Variants in PCDH15 observed in about 807,000 individuals in gnomAD.
PCDH15 encodes the protein protocadherin related 15.
In PCDH15, 129 loss-of-function variants were observed where a neutral mutation model predicts 178.5. The observed-to-expected ratio is 0.72, with a 90% CI of 0.63 to 0.84. The LOEUF (loss-of-function observed/expected upper bound fraction) is 0.84, where lower values mean the gene tolerates loss of function less well. Ranked by LOEUF, PCDH15 falls within the 40% of genes least tolerant of loss-of-function variation. The probability of loss-of-function intolerance (pLI) is 0.00; values close to 1 mark genes in which losing one functional copy is unlikely to be tolerated. For missense variants in PCDH15, 2,230 were observed against 2,099.9 expected, an observed-to-expected ratio of 1.06 and a Z score of -1.21; for synonymous variants, 800 against 732.0, an observed-to-expected ratio of 1.09 and a Z score of -1.50.
At chr10:55,535,892 C>G (rs1452121149) in intron 2 of PCDH15, among the ~76,000 whole-genome samples, 3 of 151,968 alleles carry the variant, frequency 2.0e-5, no homozygotes, top group African/African-American at 7.2e-5. Context: ...ATTCATCAGA[C>G]CATACCTTAT....
At chr10:55,591,339 G>T (rs77053092) in intron 2 of PCDH15, among the ~76,000 whole-genome samples, 1 of 152,082 alleles carries the variant, frequency 6.6e-6, no homozygotes, top group Non-Finnish European at 1.5e-5. Flanking sequence ...GGAGGCTGAG[G>T]TAGGAGGCTT....
At position 54,741,472 on chromosome 10, in the gene PCDH15, C is replaced by G. The variant is rs531922892; in HGVS notation, c.-29+59453G>C. Among the ~76,000 whole-genome samples, 72 of 151,606 alleles carry G rather than the reference C, an allele frequency of 4.7e-4. 1 individual carries two copies. The highest frequency in any genetic ancestry group is 1.7e-3 in the African/African-American group (71 of 41,382). ...ATTAGTGAAGCATAATCACTGATGG[C>G]AGAAAAAAAATGAAGAATGGGGTGG... is the stretch of plus-strand genomic sequence containing the variant. On this transcript the variant is annotated intron_variant, in intron 1 of 37. Transcript: ENST00000644397.
intron 3 of PCDH15, among the ~76,000 whole-genome samples, chr10:54,436,145 GA>G (rs892773052): frequency 4.7e-5 from 7 of 148,882 alleles, no homozygotes; most frequent in Non-Finnish European, 9.0e-5. Flanking sequence ...AAGAAAGAAA[GA>G]AAGGAAGGAA....
chr10:54,041,935 C>A (rs1031298189), intron 18 of PCDH15, among the ~76,000 whole-genome samples: 49 of 151,986 alleles, frequency 3.2e-4, no homozygotes, highest in African/African-American at 1.2e-3. Context: ...AGATACAGTA[C>A]CTCTTGATGT....
At chr10:54,772,240 TAAGC>T (rs927434124) in intron 1 of PCDH15, among the ~76,000 whole-genome samples, 2 of 152,216 alleles carry the variant, frequency 1.3e-5, no homozygotes, top group African/African-American at 2.4e-5. Context: ...TTCCAAAACT[TAAGC>T]AAGTTAATTT....
chr10:55,059,730 G>A (rs748327955), intron 2 of PCDH15, among the ~76,000 whole-genome samples: 4 of 152,060 alleles, frequency 2.6e-5, no homozygotes, highest in Non-Finnish European at 5.9e-5. Flanking sequence ...GAGATGTAAT[G>A]AAGTTTAAGA....
At chr10:55,531,101 T>C (rs577328719) in intron 2 of PCDH15, among the ~76,000 whole-genome samples, 23 of 152,134 alleles carry the variant, frequency 1.5e-4, no homozygotes, top group African/African-American at 5.3e-4. Context: ...CAATAATGCC[T>C]GTCTACTAGT....
chr10:54,208,934 C>T (rs1402829594), intron 10 of PCDH15, among the ~76,000 whole-genome samples: 1 of 151,996 alleles, frequency 6.6e-6, no homozygotes, highest in Non-Finnish European at 1.5e-5. Flanking sequence ...TCAACCTCAC[C>T]TTAAAGGAGT....
intron 3 of PCDH15, among the ~76,000 whole-genome samples, chr10:54,897,090 T>C (rs946173504): frequency 6.6e-6 from 1 of 152,226 alleles, no homozygotes; most frequent in African/African-American, 2.4e-5. Flanking sequence ...TAAATGTTTC[T>C]ACATGAGTTA....
intron 2 of PCDH15, among the ~76,000 whole-genome samples, chr10:55,148,448 T>C (rs1379523277): frequency 1.3e-5 from 2 of 151,838 alleles, no homozygotes; most frequent in African/African-American, 4.8e-5. Context: ...GATTCGTCCA[T>C]TACTCAAGAG....
chr10:53,903,932 A>G (rs1349482577), intron 25 of PCDH15, among the ~76,000 whole-genome samples: 2 of 152,162 alleles, frequency 1.3e-5, no homozygotes, highest in African/African-American at 4.8e-5. Context: ...GAAACTGTCA[A>G]TGTTAGAGGC....
intron 2 of PCDH15, among the ~76,000 whole-genome samples, chr10:55,367,106 G>A (rs1463333258): frequency 6.6e-6 from 1 of 151,888 alleles, no homozygotes; most frequent in Non-Finnish European, 1.5e-5. Flanking sequence ...ATCACTCAGG[G>A]TTTGTGAGGT....
At chr10:54,531,314 A>G (rs1478968253) in intron 2 of PCDH15, among the ~76,000 whole-genome samples, 1 of 152,202 alleles carries the variant, frequency 6.6e-6, no homozygotes, top group African/African-American at 2.4e-5. Context: ...ATGAATACCA[A>G]TAACTGAATG....
At chr10:54,803,721 T>C (rs1483332611), upstream of PCDH15, among the ~76,000 whole-genome samples, 2 of 152,202 alleles carry the variant, frequency 1.3e-5, no homozygotes, top group African/African-American at 4.8e-5. Context: ...CTTTAAATCA[T>C]AGCTGTCAAT....
chr10:54,312,417 T>C lies in PCDH15; in HGVS notation c.876+4854A>G, dbSNP rs1261729022. On this transcript the variant is annotated intron_variant, in intron 8 of 37. Coordinates refer to ENST00000644397, the MANE Select transcript of PCDH15 (RefSeq NM_001384140.1). Reference sequence around the variant, plus strand: ...TTTTCTTTTCCATATGCTCTTCTTATAATGTGACTTGGACACCCCTCATAT... The same window carrying C: ...TTTTCTTTTCCATATGCTCTTCTTACAATGTGACTTGGACACCCCTCATAT... Among the ~76,000 whole-genome samples the C allele has an allele frequency of 2.6e-5, 4 of 152,166 alleles. No homozygotes were observed. The East Asian group carries it at 7.7e-4, about 29-fold the overall frequency.
chr10:54,317,687 G>A (rs761740240), intron 7 of PCDH15, among the ~76,000 whole-genome samples: 34 of 152,098 alleles, frequency 2.2e-4, no homozygotes, highest in Non-Finnish European at 3.5e-4. Context: ...CAGGAGGATC[G>A]CTTGAACTTG....
At chr10:53,862,965 T>G (rs1269777528) in intron 27 of PCDH15, among the ~76,000 whole-genome samples, 3 of 152,170 alleles carry the variant, frequency 2.0e-5, no homozygotes, top group African/African-American at 4.8e-5. Context: ...TCAAGAAATT[T>G]TTTGCCTAAG....
chr10:53,908,755 GC>G (rs2082857645), intron 25 of PCDH15, among the ~76,000 whole-genome samples: 1 of 152,118 alleles, frequency 6.6e-6, no homozygotes, highest in Non-Finnish European at 1.5e-5. Context: ...ACGTATCGTT[GC>G]CTAACACATT....
intron 2 of PCDH15, among the ~76,000 whole-genome samples, chr10:55,032,707 A>C (rs2131967915): frequency 6.6e-6 from 1 of 152,342 alleles, no homozygotes; most frequent in East Asian, 1.9e-4. Context: ...TAGTTTGGAT[A>C]GACGGGTGCC....
Sources: gnomAD v4.1 joint callset for allele counts (sites outside exome capture counted in the v4.1 genomes callset) on GRCh38, gnomAD v4.1.1 for gene constraint, MANE v1.5 for transcripts, NCBI Gene and HGNC (gene_info 2026-07-23, HGNC 2026-07-21) for gene names.